Variants in SYT1 observed in about 807,000 individuals in gnomAD.
SYT1 encodes the protein synaptotagmin 1.
In SYT1, 8 loss-of-function variants were observed where a neutral mutation model predicts 44.8. The observed-to-expected ratio is 0.18, with a 90% CI of 0.10 to 0.32. SYT1 has a LOEUF of 0.32. Ranked by LOEUF, SYT1 falls within the 10% of genes least tolerant of loss-of-function variation. SYT1 has a pLI of 1.00. For missense variants in SYT1, 286 were observed against 509.3 expected (o/e 0.56, Z 4.22); for synonymous variants, 154 against 188.8 (o/e 0.82, Z 1.51).
intron 1 of SYT1, among the ~76,000 whole-genome samples, chr12:78,917,352 A>T (rs1876720145): frequency 6.6e-6 from 1 of 151,928 alleles, no homozygotes; most frequent in Non-Finnish European, 1.5e-5. Flanking sequence ...ATTAGTTTCC[A>T]TACCCAAAGT....
intron 1 of SYT1, among the ~76,000 whole-genome samples, chr12:78,961,307 T>C (rs1197564887): frequency 2.0e-5 from 3 of 151,988 alleles, no homozygotes; most frequent in African/African-American, 7.2e-5. Flanking sequence ...CATAATCTTA[T>C]TGTGTTGCCC....
chr12:79,165,554 G>A (rs867115154), intron 3 of SYT1, among the ~76,000 whole-genome samples: 1 of 151,876 alleles, frequency 6.6e-6, no homozygotes, highest in East Asian at 1.9e-4. Flanking sequence ...TCAAGCAGAC[G>A]CCTTAGAAAT....
intron 3 of SYT1, among the ~76,000 whole-genome samples, chr12:79,184,267 G>T (rs916661675): frequency 6.6e-6 from 1 of 151,840 alleles, no homozygotes; most frequent in Non-Finnish European, 1.5e-5. Context: ...AAAAACATAG[G>T]TTGTAATGTT....
intron 3 of SYT1, among the ~76,000 whole-genome samples, chr12:79,131,092 A>C (rs1868784209): frequency 6.6e-6 from 1 of 150,586 alleles, no homozygotes; most frequent in Non-Finnish European, 1.5e-5. Context: ...TTCTGCTAAC[A>C]TGCAAATGTG....
rs559370680 is a variant in SYT1 at position 79,214,941 on chromosome 12, A to G, written c.-17-2562A>G. Among the ~76,000 whole-genome samples the G allele has an allele frequency of 5.4e-3, 798 of 148,580 alleles. 7 individuals carry two copies. The highest frequency in any genetic ancestry group is 8.6e-3 in the Non-Finnish European group (579 of 66,992). ...TACGTGCCTGTAATAATGTGTGTATATGTGTGTGTGTGTGTGTGTGTGTGT... is the reference window on the plus strand; with the variant it reads ...TACGTGCCTGTAATAATGTGTGTATGTGTGTGTGTGTGTGTGTGTGTGTGT... On this transcript the variant is annotated intron_variant, in intron 3 of 10. Coordinates refer to ENST00000261205, the MANE Select transcript of SYT1 (RefSeq NM_005639.3).
intron 3 of SYT1, among the ~76,000 whole-genome samples, chr12:79,091,595 AG>A (rs1877779657): frequency 6.6e-6 from 1 of 151,990 alleles, no homozygotes; most frequent in Non-Finnish European, 1.5e-5. Flanking sequence ...TTCAAGAAAA[AG>A]GCACATTTAA....
intron 9 of SYT1, among the ~76,000 whole-genome samples, chr12:79,379,803 G>A (rs1043390888): frequency 2.6e-5 from 4 of 152,060 alleles, no homozygotes; most frequent in Non-Finnish European, 4.4e-5. Flanking sequence ...AAGACTATGA[G>A]CATAAAAAAC....
intron 8 of SYT1, among the ~76,000 whole-genome samples, chr12:79,305,600 G>A (rs1481854880): frequency 6.6e-6 from 1 of 152,052 alleles, no homozygotes; most frequent in Non-Finnish European, 1.5e-5. Flanking sequence ...TACAAAACAG[G>A]GAAGGAAGGG....
intron 8 of SYT1, among the ~76,000 whole-genome samples, chr12:79,306,861 T>G (rs1305723035): frequency 1.3e-5 from 2 of 152,126 alleles, no homozygotes; most frequent in East Asian, 3.9e-4. Context: ...AGAATAATGA[T>G]GTAGACAAGA....
intron 4 of SYT1, among the ~76,000 whole-genome samples, chr12:79,248,265 T>C (rs1876970832): frequency 6.6e-6 from 1 of 152,022 alleles, no homozygotes; most frequent in Non-Finnish European, 1.5e-5. Context: ...ATGAATGAGA[T>C]GGATAAAGGG....
intron 1 of SYT1, among the ~76,000 whole-genome samples, chr12:78,911,811 G>A (rs146368310): frequency 1.1e-4 from 17 of 152,034 alleles, no homozygotes; most frequent in African/African-American, 2.4e-4. Flanking sequence ...AAACATTTGC[G>A]ATTGCCTCAT....
Position 79,179,013 on chromosome 12 carries a change from TAGATATAGATATAG to T in SYT1, c.-17-38488_-17-38475del, listed in dbSNP as rs1592823908. The stretch of plus-strand genomic sequence containing the variant: ...CTATATAGATATAGATATAGATATA[TAGATATAGATATAG>T]ATATATAGATATAGATATAGATATA... On this transcript the variant is annotated intron_variant, in intron 3 of 10. Transcript: ENST00000261205. Among the ~76,000 whole-genome samples, 52 of 23,866 alleles carry T rather than the reference TAGATATAGATATAG, an allele frequency of 2.2e-3. 3 individuals carry two copies. Among genetic ancestry groups the T allele is most frequent in the African/African-American group, 3.0e-3 (11 of 3,724 alleles). The allele number at this position is 23,866 out of a possible 152,430, so 15.7% of individuals were successfully genotyped here. A position where few individuals can be genotyped will look rare whatever the true frequency, so the allele number is the denominator to read the frequency against.
intron 3 of SYT1, among the ~76,000 whole-genome samples, chr12:79,147,044 T>C (rs1295493433): frequency 6.6e-6 from 1 of 152,164 alleles, no homozygotes; most frequent in Non-Finnish European, 1.5e-5. Flanking sequence ...TTTCACCATA[T>C]TGGCCAGGCT....
intron 3 of SYT1, among the ~76,000 whole-genome samples, chr12:79,196,513 C>A (rs1345522374): frequency 6.6e-6 from 1 of 152,060 alleles, no homozygotes; most frequent in Non-Finnish European, 1.5e-5. Flanking sequence ...ACTCGAAGAA[C>A]CTTAATTTGG....
intron 6 of SYT1, among the ~76,000 whole-genome samples, chr12:79,295,463 G>A (rs577481459): frequency 3.9e-5 from 6 of 152,118 alleles, no homozygotes; most frequent in African/African-American, 7.2e-5. Context: ...CTTTTACTCC[G>A]TGTCCTATAT....
intron 1 of SYT1, among the ~76,000 whole-genome samples, chr12:78,865,647 G>A (rs1363117109): frequency 6.6e-6 from 1 of 152,006 alleles, no homozygotes; most frequent in Non-Finnish European, 1.5e-5. Flanking sequence ...TGAATAAGGG[G>A]AGTAGACAAC....
chr12:79,133,568 G>A (rs555585619), intron 3 of SYT1, among the ~76,000 whole-genome samples: 1 of 152,212 alleles, frequency 6.6e-6, no homozygotes, highest in Non-Finnish European at 1.5e-5. Flanking sequence ...GCTTTAAAAT[G>A]TACATTTCTT....
chr12:78,983,024 C>A (rs1313710397), intron 2 of SYT1, among the ~76,000 whole-genome samples: 1 of 151,882 alleles, frequency 6.6e-6, no homozygotes, highest in Non-Finnish European at 1.5e-5. Flanking sequence ...AATAATAAGA[C>A]CCACCAAAAT....
intron 3 of SYT1, among the ~76,000 whole-genome samples, chr12:79,215,144 G>T (rs1055102413): frequency 6.6e-6 from 1 of 152,114 alleles, no homozygotes; most frequent in Non-Finnish European, 1.5e-5. Flanking sequence ...AAGCTTCTGG[G>T]ACGTGACTTG....
Sources: allele counts gnomAD v4.1 joint callset (sites outside exome capture counted in the v4.1 genomes callset), GRCh38; gene constraint gnomAD v4.1.1; transcripts MANE v1.5; gene names NCBI Gene and HGNC (gene_info 2026-07-23, HGNC 2026-07-21).